ARHGEF6: variants seen among roughly 807,000 people sequenced by gnomAD.
ARHGEF6 encodes the protein Rac/Cdc42 guanine nucleotide exchange factor 6.
A neutral mutation model predicts 70.3 loss-of-function variants in ARHGEF6; 9 were observed. The ratio of observed to expected loss-of-function variants is 0.13; its 90% confidence interval spans 0.08 to 0.22. ARHGEF6 has a LOEUF of 0.22. Among genes scored for constraint, ARHGEF6 ranks in the 10% least tolerant of loss-of-function variants. The pLI is 1.00. For missense variants in ARHGEF6, 470 were observed against 563.0 expected (o/e 0.83, Z 1.67); for synonymous variants, 201 against 207.8 (o/e 0.97, Z 0.28).
intron 8 of ARHGEF6, among the ~76,000 whole-genome samples, chrX:136,707,866 T>A (rs1021229786): frequency 9.8e-5 from 11 of 111,841 alleles, no homozygotes; most frequent in Admixed American, 9.5e-4. Context: ...GAAAAATTAG[T>A]CTTTCTATAG....
At chrX:136,747,938 G>A (rs1321362634) in intron 2 of ARHGEF6, among the ~76,000 whole-genome samples, 1 of 111,456 alleles carries the variant, frequency 9.0e-6, no homozygotes, top group Non-Finnish European at 1.9e-5. Flanking sequence ...AAGCTCATAT[G>A]CATGGGTTAC....
chrX:136,676,795 G>T, intron 17 of ARHGEF6, 78 bp from the exon 18 acceptor site: 1 of 676,410 alleles, frequency 1.5e-6, no homozygotes, highest in South Asian at 2.3e-5. Flanking sequence ...AAACTAAGTA[G>T]AATTCCTCTC....
chrX:136,691,095 T>G (rs2076453574), intron 9 of ARHGEF6, among the ~76,000 whole-genome samples: 1 of 111,416 alleles, frequency 9.0e-6, no homozygotes, highest in South Asian at 3.8e-4. Context: ...GGAGCCTACA[T>G]TCATGGGCGT....
chrX:136,765,675 C>T (rs944986273), intron 2 of ARHGEF6, among the ~76,000 whole-genome samples: 18 of 112,791 alleles, frequency 1.6e-4, no homozygotes, highest in Non-Finnish European at 5.6e-5. Flanking sequence ...TAAAATGTCA[C>T]ATTTTAGTAA....
chrX:136,731,833 TAGCCA>T (rs751831046), intron 6 of ARHGEF6, among the ~76,000 whole-genome samples: 1 of 112,661 alleles, frequency 8.9e-6, no homozygotes, highest in Admixed American at 9.4e-5. Context: ...TCTTACATAC[TAGCCA>T]ATTTCTATTT....
chrX:136,754,582 C>CAAAAA (rs1428726318), intron 2 of ARHGEF6, among the ~76,000 whole-genome samples: 1 of 17,541 alleles, frequency 5.7e-5, no homozygotes, highest in African/African-American at 2.4e-4. Context: ...AACCCCGCCT[C>CAAAAA]AAAAAAAAAA....
chrX:136,773,345 T>C (rs980048424), intron 2 of ARHGEF6, among the ~76,000 whole-genome samples: 5 of 112,110 alleles, frequency 4.5e-5, no homozygotes, highest in Admixed American at 3.8e-4. Context: ...GCCAGGCACT[T>C]TGGGCCCGAG....
At chrX:136,716,719 G>A (rs2076740479) in intron 6 of ARHGEF6, among the ~76,000 whole-genome samples, 1 of 112,184 alleles carries the variant, frequency 8.9e-6, no homozygotes, top group Non-Finnish European at 1.9e-5. Context: ...AGAAAAAGTA[G>A]ACAACGTGCA....
chrX:136,719,282 A>G (rs1462501828), intron 6 of ARHGEF6, among the ~76,000 whole-genome samples: 2 of 111,351 alleles, frequency 1.8e-5, no homozygotes, highest in Non-Finnish European at 3.8e-5. Flanking sequence ...TGATCCATAA[A>G]ACCCACCTTA....
rs756897341 is a variant in ARHGEF6 at position 136,676,899 on chromosome X, CAG to C, written c.1852-184_1852-183del. On this transcript the variant is annotated intron_variant, in intron 17 of 21. Coordinates refer to ENST00000250617, the MANE Select transcript of ARHGEF6 (RefSeq NM_004840.3). ...ATAAACTCTAAAAGGTTAAATAAAA[CAG>C]AGGCAATGACATTATCCTCTCAACT... The C allele has an allele frequency of 1.3e-3, 579 of 439,180 alleles. 5 individuals carry two copies. The highest frequency in any genetic ancestry group is 2.1e-4 in the Non-Finnish European group (51 of 246,092). The allele number at this position is 439,180 out of a possible 1,213,427, so 36.2% of individuals were successfully genotyped here. A position where few individuals can be genotyped will look rare whatever the true frequency, so the allele number is the denominator to read the frequency against.
intron 6 of ARHGEF6, among the ~76,000 whole-genome samples, chrX:136,723,443 A>G (rs2076820094): frequency 8.9e-6 from 1 of 111,928 alleles, no homozygotes; most frequent in South Asian, 3.7e-4. Flanking sequence ...CTTGTTCATC[A>G]TGATAGCTCT....
chrX:136,669,858 T>C (rs1273139017), intron 20 of ARHGEF6, among the ~76,000 whole-genome samples: 2 of 112,356 alleles, frequency 1.8e-5, no homozygotes, highest in East Asian at 2.8e-4. Context: ...TTTCTAGCTT[T>C]GTTGAGGGAT....
At position 136,680,886 on chromosome X, in the gene ARHGEF6, C is replaced by T; in HGVS notation, c.1559-10G>A. 8.3e-7 allele frequency: 1 copy of T among 1,211,226 alleles called. No individual in the cohort carries two copies. The highest frequency in any genetic ancestry group is 1.8e-5 in the South Asian group (1 of 56,966). ...CTCTCCACTGTGTTACCTACATCCC[C>T]CAATTATGATCAGTTTGAAAACAAA... On this transcript the variant is annotated splice_polypyrimidine_tract_variant and intron_variant, in intron 14 of 21. Transcript: ENST00000250617.
intron 5 of ARHGEF6, among the ~76,000 whole-genome samples, chrX:136,743,366 C>CT (rs1476315981): frequency 8.9e-6 from 1 of 112,010 alleles, no homozygotes; most frequent in African/African-American, 3.3e-5. Context: ...AATTCCTTTG[C>CT]TTTTTTTATT....
rs185316216 is a variant in ARHGEF6 at position 136,775,053 on chromosome X, C to T, written c.249+4361G>A. ...CATGCAGAGAATACTTACTACATTC[C>T]GGGCACTCTTCTGGGGCCTTTACAT... On this transcript the variant is annotated intron_variant, in intron 2 of 21. Transcript: ENST00000250617. Among the ~76,000 whole-genome samples the T allele has an allele frequency of 4.5e-5, 5 of 111,456 alleles. No homozygotes were observed. In the East Asian group the frequency reaches 1.1e-3, roughly 25 times the overall value.
chrX:136,693,884 C>T (rs2148598201), intron 9 of ARHGEF6, among the ~76,000 whole-genome samples: 1 of 111,415 alleles, frequency 9.0e-6, no homozygotes, highest in East Asian at 2.8e-4. Context: ...TCACTGTGGT[C>T]CAAAAGGGGT....
chrX:136,673,674 A>T lies in ARHGEF6; in HGVS notation c.2035+1333T>A, dbSNP rs183093880. Among the ~76,000 whole-genome samples the T allele has an allele frequency of 3.6e-5, 4 of 110,764 alleles. No homozygotes were observed. The East Asian group carries it at 1.1e-3, about 31-fold the overall frequency. ...AGTTCTCAAAACTAAAGCTGCCCTC[A>T]CTTTCCTCTCCTGGCTCCTTGAAAC... On this transcript the variant is annotated intron_variant, in intron 19 of 21. Coordinates refer to ENST00000250617, the MANE Select transcript of ARHGEF6 (RefSeq NM_004840.3).
intron 2 of ARHGEF6, among the ~76,000 whole-genome samples, chrX:136,762,690 T>G (rs1043965454): frequency 4.5e-5 from 5 of 110,253 alleles, no homozygotes; most frequent in African/African-American, 1.7e-4. Flanking sequence ...TGGGGTTTCA[T>G]CATGTTGGTC....
At chrX:136,774,892 A>G (rs1190275093) in intron 2 of ARHGEF6, among the ~76,000 whole-genome samples, 1 of 110,109 alleles carries the variant, frequency 9.1e-6, no homozygotes, top group Admixed American at 9.8e-5. Flanking sequence ...AGTGCAAATT[A>G]GGCAATAGGG....
Sources: allele counts gnomAD v4.1 joint callset (sites outside exome capture counted in the v4.1 genomes callset), GRCh38; gene constraint gnomAD v4.1.1; transcripts MANE v1.5; gene names NCBI Gene and HGNC (gene_info 2026-07-23, HGNC 2026-07-21).